The following CRTAC1 variants were observed in gnomAD, a reference collection of about 807,000 sequenced individuals.
CRTAC1 encodes the protein acidic secreted protein in cartilage.
Under a neutral mutation model 67.8 loss-of-function variants are expected in CRTAC1, and 37 were observed. The observed-to-expected ratio is 0.55, with a 90% CI of 0.42 to 0.72. CRTAC1 has a LOEUF of 0.72. Among genes scored for constraint, CRTAC1 ranks in the 30% least tolerant of loss-of-function variants. The pLI is 0.00. For synonymous variants in CRTAC1, 348 were observed against 371.0 expected (o/e 0.94, Z 0.71); for missense variants, 780 against 931.6 (o/e 0.84, Z 2.12).
intron 11 of CRTAC1, among the ~76,000 whole-genome samples, chr10:97,887,832 C>T (rs1329998676): frequency 3.9e-5 from 6 of 152,356 alleles, no homozygotes; most frequent in Middle Eastern, 3.4e-3. Context: ...CTGGCACCAT[C>T]GGCTCTTGGT....
At chr10:97,915,884 C>T (rs1160903864) in intron 5 of CRTAC1, among the ~76,000 whole-genome samples, 1 of 152,180 alleles carries the variant, frequency 6.6e-6, no homozygotes, top group East Asian at 1.9e-4. Context: ...TGTTCCTCCA[C>T]CAAAGCTGCT....
In CRTAC1 at chr10:97,943,960, CAAAAAATTAGAATAAGGTTTAGT is replaced by C. The variant is rs563872689; in HGVS notation, c.225-7617_225-7595del. ...TTTTAAATGATAATTATCATAACAA[CAAAAAATTAGAATAAGGTTTAGT>C]AAAAATTAATTTGGGCTTAGTACTT... On this transcript the variant is annotated intron_variant, in intron 2 of 14. Coordinates refer to ENST00000370597, the MANE Select transcript of CRTAC1 (RefSeq NM_018058.7). 1.2e-3 allele frequency among the ~76,000 whole-genome samples: 185 copies of C among 152,202 alleles called. 1 individual carries two copies. Among genetic ancestry groups the C allele is most frequent in the African/African-American group, 4.1e-3 (171 of 41,534 alleles).
intron 2 of CRTAC1, among the ~76,000 whole-genome samples, chr10:97,972,096 G>A (rs935356642): frequency 6.6e-6 from 1 of 152,190 alleles, no homozygotes; most frequent in African/African-American, 2.4e-5. Context: ...CTTACACTGG[G>A]AGCCTAACCA....
chr10:97,980,934 A>G (rs1331991683), intron 2 of CRTAC1, among the ~76,000 whole-genome samples: 2 of 152,248 alleles, frequency 1.3e-5, no homozygotes, highest in Non-Finnish European at 2.9e-5. Flanking sequence ...AGTTAAGACA[A>G]TTATTGAGGA....
Position 97,869,466 on chromosome 10 carries a change from C to T in CRTAC1, c.1820-3752G>A, listed in dbSNP as rs545574905. The T allele has an allele frequency of 4.6e-5, 7 of 152,842 alleles. No homozygotes were observed. In the South Asian group the frequency reaches 6.2e-4, roughly 14 times the overall value. The allele number at this position is 152,842 out of a possible 1,614,324, so 9.5% of individuals were successfully genotyped here. ...GCTCCAGCCTCAGCCAGACTGTCCC[C>T]GAGGTCCCAAGTGAGGCCCCAGCCA... On this transcript the variant is annotated intron_variant, in intron 14 of 14. Coordinates refer to ENST00000370597, the MANE Select transcript of CRTAC1 (RefSeq NM_018058.7).
intron 2 of CRTAC1, among the ~76,000 whole-genome samples, chr10:97,964,954 A>T (rs1214551302): frequency 6.6e-6 from 1 of 152,186 alleles, no homozygotes; most frequent in African/African-American, 2.4e-5. Flanking sequence ...AGCTGGTAGG[A>T]GACCCAGCCT....
intron 1 of CRTAC1, among the ~76,000 whole-genome samples, chr10:98,027,428 C>A (rs1469072873): frequency 2.0e-5 from 3 of 152,152 alleles, no homozygotes; most frequent in Non-Finnish European, 4.4e-5. Flanking sequence ...TCCAATCCAT[C>A]TATAATCTGA....
At chr10:97,986,314 C>A (rs1260571481) in intron 2 of CRTAC1, among the ~76,000 whole-genome samples, 1 of 152,196 alleles carries the variant, frequency 6.6e-6, no homozygotes, top group Non-Finnish European at 1.5e-5. Context: ...CCAGGGGAGA[C>A]CTTCCTTTAG....
chr10:97,927,998 G>A (rs2050947537), intron 3 of CRTAC1, among the ~76,000 whole-genome samples: 1 of 152,236 alleles, frequency 6.6e-6, no homozygotes, highest in Non-Finnish European at 1.5e-5. Flanking sequence ...TGCTCGGGAA[G>A]AGGTGAGACT....
At chr10:97,917,949 A>G (rs907415045) in intron 4 of CRTAC1, among the ~76,000 whole-genome samples, 2 of 152,242 alleles carry the variant, frequency 1.3e-5, no homozygotes, top group East Asian at 3.9e-4. Context: ...ACCTTTTTAT[A>G]GACAATTTTC....
rs886082258 is a variant in CRTAC1 at position 97,879,898 on chromosome 10, T to G, written c.1819+351A>C. On this transcript the variant is annotated intron_variant, in intron 14 of 14. Coordinates refer to ENST00000370597, the MANE Select transcript of CRTAC1 (RefSeq NM_018058.7). ...GAGGAAGGAGTTTGGGAAGAAGAAA[T>G]TACCAGTTTAGAAATTCAGCCAAAG... 7 of 1,145,294 alleles carry G rather than the reference T, an allele frequency of 6.1e-6. No homozygotes were observed. The East Asian group carries it at 1.6e-4, about 25-fold the overall frequency. 70.9% of individuals were successfully genotyped at this position (1,145,294 alleles called of 1,614,324 possible).
intron 11 of CRTAC1, among the ~76,000 whole-genome samples, chr10:97,892,622 T>C (rs2050394445): frequency 6.6e-6 from 1 of 152,234 alleles, no homozygotes; most frequent in Non-Finnish European, 1.5e-5. Flanking sequence ...TTATGTTACC[T>C]GATTCTTCAA....
intron 1 of CRTAC1, among the ~76,000 whole-genome samples, chr10:98,021,239 C>G (rs768747549): frequency 5.3e-5 from 8 of 152,108 alleles, no homozygotes; most frequent in Non-Finnish European, 8.8e-5. Flanking sequence ...TCCCTACCCC[C>G]CAGAAGGTGG....
intron 3 of CRTAC1, among the ~76,000 whole-genome samples, chr10:97,929,679 G>A (rs534861589): frequency 5.0e-4 from 76 of 152,314 alleles, no homozygotes; most frequent in African/African-American, 1.8e-3. Flanking sequence ...CCACCTATTC[G>A]TCAGGTTGTT....
intron 6 of CRTAC1, among the ~76,000 whole-genome samples, chr10:97,906,410 T>C (rs567767303): frequency 6.6e-6 from 1 of 152,298 alleles, no homozygotes; most frequent in Admixed American, 6.5e-5. Context: ...CAGCATCTGT[T>C]TGGGTGATGA....
At chr10:97,972,418 G>C (rs952341752) in intron 2 of CRTAC1, among the ~76,000 whole-genome samples, 8 of 152,174 alleles carry the variant, frequency 5.3e-5, no homozygotes, top group African/African-American at 1.9e-4. Flanking sequence ...CAGGGAGCCC[G>C]GTCTGCCAGG....
intron 2 of CRTAC1, among the ~76,000 whole-genome samples, chr10:97,974,720 C>T (rs1319320260): frequency 2.0e-5 from 3 of 152,192 alleles, no homozygotes; most frequent in African/African-American, 7.2e-5. Context: ...CTGCCGGGAG[C>T]CCGGAGAAGC....
chr10:97,950,233 G>GCA (rs58716155), intron 2 of CRTAC1, among the ~76,000 whole-genome samples: 16,878 of 125,176 alleles, frequency 0.13, 1,585 homozygotes, highest in Admixed American at 0.21. Flanking sequence ...GCATGTACGT[G>GCA]CACACACACA....
At chr10:97,980,355 T>C (rs1042961209) in intron 2 of CRTAC1, among the ~76,000 whole-genome samples, 11 of 152,256 alleles carry the variant, frequency 7.2e-5, no homozygotes, top group Non-Finnish European at 1.5e-4. Flanking sequence ...GGGCAAAGTT[T>C]GGACATGGTC....
Sources: gnomAD v4.1 joint callset for allele counts (sites outside exome capture counted in the v4.1 genomes callset) on GRCh38, gnomAD v4.1.1 for gene constraint, MANE v1.5 for transcripts, NCBI Gene and HGNC (gene_info 2026-07-23, HGNC 2026-07-21) for gene names.